Variants in SRPRA observed in about 807,000 individuals in gnomAD.
SRPRA encodes the protein signal recognition particle receptor subunit alpha.
In SRPRA, 30 loss-of-function variants were observed where a neutral mutation model predicts 61.1. The observed-to-expected ratio is 0.49, with a 90% confidence interval of 0.37 to 0.67. The LOEUF is 0.67. Among genes scored for constraint, SRPRA ranks in the 30% least tolerant of loss-of-function variants. SRPRA has a pLI of 0.00. For synonymous variants in SRPRA, 324 were observed against 299.7 expected (o/e 1.08, Z -0.84); for missense variants, 759 against 828.4 (o/e 0.92, Z 1.03).
At chr11:126,266,354 C>T in intron 6 of SRPRA, 76 bp from the exon 7 acceptor site, 1 of 1,594,360 alleles carries the variant, frequency 6.3e-7, no homozygotes, top group Non-Finnish European at 8.6e-7. Flanking sequence ...TGCTCTATCT[C>T]TTTCATTTTG....
the SRPRA span, among the ~76,000 whole-genome samples, chr11:126,255,013 A>G: frequency 2.0e-5 from 3 of 152,254 alleles, no homozygotes; most frequent in Non-Finnish European, 2.9e-5. This position sits in a 1 kb window ranked among gnomAD's most constrained non-coding sequence, Gnocchi z 4.6. Flanking sequence ...CAAAGGATAC[A>G]TTAGTACCCT....
chr11:126,263,686 G>A lies in SRPRA; in HGVS notation c.*230C>T. 1 of 547,922 alleles carries A rather than the reference G, an allele frequency of 1.8e-6. No homozygotes were observed. Among genetic ancestry groups the A allele is most frequent in the Non-Finnish European group, 3.2e-6 (1 of 313,948 alleles). 33.9% of individuals were successfully genotyped at this position (547,922 alleles called of 1,614,324 possible). On this transcript the variant is annotated 3_prime_UTR_variant, in exon 14 of 14. Coordinates refer to ENST00000332118, the MANE Select transcript of SRPRA (RefSeq NM_003139.4). The stretch of plus-strand genomic sequence containing the variant: ...AAGGGGGTGCCTGAGTAGGAAGGGG[G>A]AGGCCCGCTGGGAGAGGGTCAGTGG...
rs778148698 is a variant in SRPRA at position 126,265,842 on chromosome 11, G to C, written c.1052-19C>G. 2 of 1,614,064 alleles carry C rather than the reference G, an allele frequency of 1.2e-6. No homozygotes were observed. The highest frequency in any genetic ancestry group is 1.1e-5 in the South Asian group (1 of 91,086). On this transcript the variant is annotated intron_variant, in intron 8 of 13. Transcript: ENST00000332118. The surrounding 1 kb of genome is among the most constrained non-coding windows in gnomAD (Gnocchi z 6.3). ...TTCTTAGCTGAGGAGAGGGGGACAG[G>C]TATGTCAGTTCCATGTCAGCAATGA...
the SRPRA span, among the ~76,000 whole-genome samples, chr11:126,236,821 T>C: frequency 6.6e-6 from 1 of 151,946 alleles, no homozygotes; most frequent in African/African-American, 2.4e-5. Context: ...CTGTTTTATC[T>C]TGTGGATTTA....
At chr11:126,262,281 T>A (rs1950716927), downstream of SRPRA, 1 of 773,894 alleles carries the variant, frequency 1.3e-6, no homozygotes, top group Admixed American at 2.3e-5. Flanking sequence ...GAGGGGGGAA[T>A]GTTGCAGCGT....
chr11:126,244,557 G>A, the SRPRA span, among the ~76,000 whole-genome samples: 1 of 152,140 alleles, frequency 6.6e-6, no homozygotes, highest in Non-Finnish European at 1.5e-5. The surrounding 1 kb of genome is among the most constrained non-coding windows in gnomAD (Gnocchi z 4.5). Flanking sequence ...TTGTCTCAGC[G>A]CTTTGGGAGG....
chr11:126,264,234 A>G lies in SRPRA; in HGVS notation c.1745T>C (p.Ile582Thr). The change falls in exon 13 of 14, where the codon ATT becomes ACT. Residue 582 changes from isoleucine to threonine, a missense_variant. Coordinates refer to ENST00000332118, the MANE Select transcript of SRPRA (RefSeq NM_003139.4). The surrounding 1 kb of genome is among the most constrained non-coding windows in gnomAD (Gnocchi z 5.0). ...AAATTTGGTAAGAACAATGCCATCA[A>G]TGAGCCGAGGTGTCTGAGCCATAGA... ...DHSMAQTPRL[I>T]DGIVLTKFDT... 1 of 1,614,164 alleles carries G rather than the reference A, an allele frequency of 6.2e-7. No homozygotes were observed. Among genetic ancestry groups the G allele is most frequent in the South Asian group, 1.1e-5 (1 of 91,084 alleles).
chr11:126,264,366 A>G lies in SRPRA; in HGVS notation c.1689+10T>C. 6.2e-7 allele frequency: 1 copy of G among 1,614,192 alleles called. No individual in the cohort carries two copies. Among genetic ancestry groups the G allele is most frequent in the Non-Finnish European group, 8.5e-7 (1 of 1,180,014 alleles). On this transcript the variant is annotated intron_variant, in intron 12 of 13. Coordinates refer to ENST00000332118, the MANE Select transcript of SRPRA (RefSeq NM_003139.4). This position sits in a 1 kb window ranked among gnomAD's most constrained non-coding sequence, Gnocchi z 5.0. The stretch of plus-strand genomic sequence containing the variant: ...TCAAGTTGTAAAGGGAACTGGGCCC[A>G]CGCTCTCACCAGCTGGTCCACGGCT...
the SRPRA span, among the ~76,000 whole-genome samples, chr11:126,252,549 C>T: frequency 6.6e-6 from 1 of 151,968 alleles, no homozygotes; most frequent in South Asian, 2.1e-4. The surrounding 1 kb of genome is among the most constrained non-coding windows in gnomAD (Gnocchi z 4.7). Context: ...TCAAGACCAA[C>T]CTGGGCATCA....
downstream of SRPRA, chr11:126,260,461 C>T (rs1950665929): frequency 1.3e-5 from 2 of 149,492 alleles, no homozygotes; most frequent in African/African-American, 4.9e-5. Flanking sequence ...ACATCCCTAT[C>T]TTCATAACCA....
the SRPRA span, chr11:126,256,419 G>T: frequency 6.2e-6 from 4 of 647,396 alleles, no homozygotes; most frequent in South Asian, 7.9e-5. This position sits in a 1 kb window ranked among gnomAD's most constrained non-coding sequence, Gnocchi z 6.6. Flanking sequence ...ATAAGCAAGA[G>T]ATCACACTCC....
chr11:126,262,017 C>A, downstream of SRPRA: 1 of 1,060,400 alleles, frequency 9.4e-7, no homozygotes, highest in South Asian at 1.4e-5. Flanking sequence ...AATCTCCTGT[C>A]TTGCCTTCTG....
chr11:126,249,279 A>G, the SRPRA span, among the ~76,000 whole-genome samples: 5 of 152,230 alleles, frequency 3.3e-5, no homozygotes, highest in African/African-American at 1.2e-4. Context: ...TGCAAAATGC[A>G]AATTTTTAAT....
chr11:126,243,711 C>T, the SRPRA span, among the ~76,000 whole-genome samples: 153 of 152,008 alleles, frequency 1.0e-3, 2 homozygotes, highest in African/African-American at 3.5e-3. Flanking sequence ...CGAGATCAGC[C>T]GGACCAACAT....
Position 126,265,446 on chromosome 11 carries a change from AGG to A in SRPRA, c.1139-8_1139-7del, listed in dbSNP as rs1401297941. 1.2e-6 allele frequency: 2 copies of A among 1,608,606 alleles called. No individual in the cohort carries two copies. The highest frequency in any genetic ancestry group is 1.7e-6 in the Non-Finnish European group (2 of 1,177,108). Reference sequence around the variant, plus strand: ...CTTTACTGTGGAAGTCACCGCTGAAAGGGGAGGTGGAGGAGGTTGCAGCTGTG... The same window carrying A: ...CTTTACTGTGGAAGTCACCGCTGAAAGGAGGTGGAGGAGGTTGCAGCTGTG... On this transcript the variant is annotated splice_polypyrimidine_tract_variant and splice_region_variant and intron_variant, in intron 9 of 13. Transcript: ENST00000332118. This position sits in a 1 kb window ranked among gnomAD's most constrained non-coding sequence, Gnocchi z 6.3.
rs1396734900 is a variant in SRPRA, at chr11:126,267,377, GA to G, written c.366-43del. ...ATGGTTTATCTTTCTACCCCATGCA[GA>G]AGGAAAAATAACGGTCCAGAGAAAG... On this transcript the variant is annotated intron_variant, in intron 3 of 13. Transcript: ENST00000332118. This position sits in a 1 kb window ranked among gnomAD's most constrained non-coding sequence, Gnocchi z 4.2. The G allele has an allele frequency of 6.2e-7, 1 of 1,605,206 alleles. No individual in the cohort carries two copies. The highest frequency in any genetic ancestry group is 8.5e-7 in the Non-Finnish European group (1 of 1,176,516).
intron 6 of SRPRA, 75 bp downstream of exon 6, chr11:126,266,401 C>G: frequency 6.3e-7 from 1 of 1,592,812 alleles, no homozygotes; most frequent in Non-Finnish European, 8.6e-7. Flanking sequence ...CATTCAAATC[C>G]CAGTATCACG....
At chr11:126,255,580 A>G in the SRPRA span, among the ~76,000 whole-genome samples, 3 of 152,206 alleles carry the variant, frequency 2.0e-5, no homozygotes, top group Non-Finnish European at 4.4e-5. The surrounding 1 kb of genome is among the most constrained non-coding windows in gnomAD (Gnocchi z 4.6). Flanking sequence ...GGTGATTCAC[A>G]GTTCAGTTTG....
Position 126,267,321 on chromosome 11 carries a change from C to A in SRPRA, c.380G>T (p.Ser127Ile). The stretch of plus-strand genomic sequence containing the variant: ...GGTAGTGGGAGCACGGATCTTACTG[C>A]TCTCCTCTGCTTCACTAAACAAAAA... ...FLRLLREAEE[S>I]SKIRAPTTMK... Residue 127 changes from serine to isoleucine, a missense_variant, in exon 4 of 14, where the codon AGC (serine) becomes ATC (isoleucine). Ser to Ile is a moderately radical substitution (Grantham distance 142). Transcript: ENST00000332118. This position sits in a 1 kb window ranked among gnomAD's most constrained non-coding sequence, Gnocchi z 4.2. 1.2e-6 allele frequency: 2 copies of A among 1,614,000 alleles called. No individual in the cohort carries two copies. The highest frequency in any genetic ancestry group is 1.7e-6 in the Non-Finnish European group (2 of 1,180,000).
Sources: allele counts gnomAD v4.1 joint callset (sites outside exome capture counted in the v4.1 genomes callset), GRCh38; gene constraint gnomAD v4.1.1; non-coding constraint Gnocchi (gnomAD v3.1); transcripts MANE v1.5; gene names NCBI Gene and HGNC (gene_info 2026-07-23, HGNC 2026-07-21).